ADGRL3: variants seen among roughly 807,000 people sequenced by gnomAD.
The protein encoded by ADGRL3 is calcium-independent alpha-latrotoxin receptor 3.
A neutral mutation model predicts 153.5 loss-of-function variants in ADGRL3; 62 were observed. The ratio of observed to expected loss-of-function variants is 0.40; its 90% confidence interval spans 0.33 to 0.50. The LOEUF (loss-of-function observed/expected upper bound fraction) is 0.50, where lower values mean the gene tolerates loss of function less well. Ranked by LOEUF, ADGRL3 falls within the 20% of genes least tolerant of loss-of-function variation. The pLI is 0.47. For synonymous variants in ADGRL3, 710 were observed against 672.5 expected, an observed-to-expected ratio of 1.06 and a Z score of -0.86; for missense variants, 1,641 against 1,859.4, an observed-to-expected ratio of 0.88 and a Z score of 2.16.
intron 1 of ADGRL3, among the ~76,000 whole-genome samples, chr4:61,352,950 G>A (rs780490159): frequency 1.3e-5 from 2 of 152,160 alleles, no homozygotes; most frequent in African/African-American, 4.8e-5. Context: ...AAGTGTGCTA[G>A]TATCCAAACT....
At chr4:61,830,851 G>A (rs2097860132) in intron 9 of ADGRL3, among the ~76,000 whole-genome samples, 1 of 152,106 alleles carries the variant, frequency 6.6e-6, no homozygotes, top group Admixed American at 6.5e-5. Context: ...TATTGACCTA[G>A]CTTTATTCCT....
chr4:61,234,846 A>G (rs1184125560), intron 1 of ADGRL3, among the ~76,000 whole-genome samples: 1 of 152,170 alleles, frequency 6.6e-6, no homozygotes, highest in Admixed American at 6.5e-5. Context: ...TGGGAAAGAA[A>G]AAAAGGAAGG....
At position 62,071,675 on chromosome 4, in the gene ADGRL3, G is replaced by T. The variant is rs1047926247; in HGVS notation, c.*767G>T. 3 of 400,750 alleles carry T rather than the reference G, an allele frequency of 7.5e-6. No homozygotes were observed. The highest frequency in any genetic ancestry group is 1.4e-5 in the Non-Finnish European group (3 of 209,586). 24.8% of individuals were successfully genotyped at this position (400,750 alleles called of 1,614,324 possible). A position where few individuals can be genotyped will look rare whatever the true frequency, so the allele number is the denominator to read the frequency against. ...GAAATTTTCTTTTTCTTTTGTGCTGGTCTTGCAAGTTTGTCTACCAGTAAG... is the reference window on the plus strand; with the variant it reads ...GAAATTTTCTTTTTCTTTTGTGCTGTTCTTGCAAGTTTGTCTACCAGTAAG... On this transcript the variant is annotated 3_prime_UTR_variant, in exon 27 of 27. Coordinates refer to ENST00000683033, the MANE Select transcript of ADGRL3 (RefSeq NM_001387552.1).
At chr4:61,954,117 A>G (rs188823191) in intron 17 of ADGRL3, among the ~76,000 whole-genome samples, 96 of 152,280 alleles carry the variant, frequency 6.3e-4, no homozygotes, top group African/African-American at 2.1e-3. Flanking sequence ...GTGGCTTGAT[A>G]TAACTATTCT....
At chr4:61,236,168 C>T (rs1577939354) in intron 1 of ADGRL3, among the ~76,000 whole-genome samples, 1 of 152,108 alleles carries the variant, frequency 6.6e-6, no homozygotes, top group Middle Eastern at 3.4e-3. Flanking sequence ...CACCACTACA[C>T]CTGGCTAATT....
At chr4:61,314,169 C>A (rs1478379707) in intron 1 of ADGRL3, among the ~76,000 whole-genome samples, 3 of 151,504 alleles carry the variant, frequency 2.0e-5, no homozygotes, top group Non-Finnish European at 2.9e-5. Context: ...CCATCTAGCA[C>A]AAGCTGACTT....
intron 8 of ADGRL3, among the ~76,000 whole-genome samples, chr4:61,744,560 A>T (rs1268591388): frequency 1.3e-5 from 2 of 152,162 alleles, no homozygotes; most frequent in Non-Finnish European, 2.9e-5. Context: ...GCTTCACAAA[A>T]ATCCGCTGTT....
intron 8 of ADGRL3, among the ~76,000 whole-genome samples, chr4:61,736,361 A>G (rs1470402497): frequency 6.6e-6 from 1 of 152,140 alleles, no homozygotes; most frequent in African/African-American, 2.4e-5. Context: ...TGTTAAAAGG[A>G]TGCTATTGAA....
At chr4:61,502,182 A>G (rs2098393419) in intron 3 of ADGRL3, among the ~76,000 whole-genome samples, 1 of 152,186 alleles carries the variant, frequency 6.6e-6, no homozygotes, top group Non-Finnish European at 1.5e-5. Flanking sequence ...TTTGATAGGC[A>G]GTAAAGAAAC....
At chr4:61,524,341 T>A (rs1447653430) in intron 4 of ADGRL3, among the ~76,000 whole-genome samples, 1 of 152,090 alleles carries the variant, frequency 6.6e-6, no homozygotes, top group East Asian at 1.9e-4. Flanking sequence ...TTTATGTAAG[T>A]CTCCAGTACA....
rs575276992 is a variant in ADGRL3, at chr4:61,791,363, A to C, written c.1400-22446A>C. On this transcript the variant is annotated intron_variant, in intron 8 of 26. Coordinates refer to ENST00000683033, the MANE Select transcript of ADGRL3 (RefSeq NM_001387552.1). ...AGTCCAAAATCCAGGGAGGGCAGTCAAATCTTAAAGCTCCAAAATGATCTC... is the reference window on the plus strand; with the variant it reads ...AGTCCAAAATCCAGGGAGGGCAGTCCAATCTTAAAGCTCCAAAATGATCTC... 6.6e-5 allele frequency among the ~76,000 whole-genome samples: 10 copies of C among 152,338 alleles called. No individual in the cohort carries two copies. In the East Asian group the frequency reaches 1.7e-3, roughly 26 times the overall value.
chr4:61,379,558 G>T (rs2096643579), intron 1 of ADGRL3, among the ~76,000 whole-genome samples: 1 of 151,944 alleles, frequency 6.6e-6, no homozygotes, highest in Non-Finnish European at 1.5e-5. Flanking sequence ...ATCTTAGGCT[G>T]AAAGCCATCT....
intron 5 of ADGRL3, among the ~76,000 whole-genome samples, chr4:61,609,292 T>A (rs2099044286): frequency 6.6e-6 from 1 of 152,060 alleles, no homozygotes; most frequent in African/African-American, 2.4e-5. Context: ...CCTCACCTCC[T>A]AAAAAAATAA....
intron 1 of ADGRL3, among the ~76,000 whole-genome samples, chr4:61,279,631 G>A (rs925344689): frequency 6.6e-6 from 1 of 152,092 alleles, no homozygotes; most frequent in Admixed American, 6.5e-5. Flanking sequence ...ATCCAATGTG[G>A]CTGGATTTAC....
At chr4:61,455,735 A>G (rs1314916458) in intron 2 of ADGRL3, among the ~76,000 whole-genome samples, 1 of 152,032 alleles carries the variant, frequency 6.6e-6, no homozygotes, top group East Asian at 1.9e-4. Context: ...ATAATCTGCA[A>G]CTTCTCAGCT....
intron 8 of ADGRL3, among the ~76,000 whole-genome samples, chr4:61,809,476 T>C (rs1345331343): frequency 2.0e-5 from 3 of 152,220 alleles, no homozygotes; most frequent in African/African-American, 7.2e-5. Context: ...TTTATCCTTT[T>C]AGAGTTTCTC....
At chr4:62,006,001 CACATATATATATAT>C (rs1468799794) in intron 21 of ADGRL3, among the ~76,000 whole-genome samples, 2 of 64,530 alleles carry the variant, frequency 3.1e-5, no homozygotes, top group African/African-American at 1.1e-4. Context: ...CACACACACA[CACATATATATATAT>C]ATATATATAT....
chr4:61,676,431 T>C (rs1247449957), intron 5 of ADGRL3, among the ~76,000 whole-genome samples: 2 of 152,056 alleles, frequency 1.3e-5, no homozygotes, highest in Non-Finnish European at 2.9e-5. Flanking sequence ...TACAACTGCC[T>C]AATAAACTCT....
At chr4:61,575,383 C>T (rs528863098) in intron 4 of ADGRL3, among the ~76,000 whole-genome samples, 1 of 152,040 alleles carries the variant, frequency 6.6e-6, no homozygotes, top group South Asian at 2.1e-4. Flanking sequence ...TGGATACCCC[C>T]ACTTTCTTGG....
Sources: gnomAD v4.1 joint callset for allele counts (sites outside exome capture counted in the v4.1 genomes callset) on GRCh38, gnomAD v4.1.1 for gene constraint, MANE v1.5 for transcripts, NCBI Gene and HGNC (gene_info 2026-07-23, HGNC 2026-07-21) for gene names.